Variants in RUNX1 observed in about 807,000 individuals in gnomAD.
The protein encoded by RUNX1 is RUNX family transcription factor 1, also known as runt-related transcription factor 1.
A neutral mutation model predicts 42.8 loss-of-function variants in RUNX1; 19 were observed. The observed-to-expected ratio is 0.44, with a 90% CI of 0.31 to 0.65. The LOEUF (loss-of-function observed/expected upper bound fraction) is 0.65. Ranked by LOEUF, RUNX1 falls within the 30% of genes least tolerant of loss-of-function variation. The pLI, the probability that RUNX1 is intolerant of heterozygous loss-of-function variation, is 0.07. For missense variants in RUNX1, 528 were observed against 672.0 expected (o/e 0.79, Z 2.37); for synonymous variants, 271 against 289.4 (o/e 0.94, Z 0.64).
intron 2 of RUNX1, among the ~76,000 whole-genome samples, chr21:34,931,064 T>C (rs1450562058): frequency 6.6e-6 from 1 of 152,068 alleles, no homozygotes; most frequent in Admixed American, 6.6e-5. Context: ...ATGGGTTTTG[T>C]TGTCTAGTAG....
At position 34,792,377 on chromosome 21, in the gene RUNX1, G is replaced by A. The variant is rs1422877598; in HGVS notation, c.1201C>T (p.Pro401Ser). 1.9e-6 allele frequency: 3 copies of A among 1,565,182 alleles called. No individual in the cohort carries two copies. The highest frequency in any genetic ancestry group is 1.9e-5 in the Admixed American group (1 of 52,016). ...AQGGPFQASS[P>S]SYHLYYGASA... ...GCGCCGTAGTACAGGTGGTAGGAGG[G>A]CGAGCTGGCTTGGAACGGGCCTCCC... Residue 401 changes from proline (P) to serine (S), a missense_variant, in exon 9 of 9, where the codon CCC (proline) becomes TCC (serine). Around this residue, in one of 3 missense-constraint regions of RUNX1, gnomAD observed 331 missense variants for 382.5 expected, o/e 0.87. Coordinates refer to ENST00000675419, the MANE Select transcript of RUNX1 (RefSeq NM_001754.5). The surrounding 1 kb of genome is among the most constrained non-coding windows in gnomAD (Gnocchi z 6.9).
intron 2 of RUNX1, among the ~76,000 whole-genome samples, chr21:34,930,434 C>T (rs2058434751): frequency 6.6e-6 from 1 of 151,514 alleles, no homozygotes; most frequent in African/African-American, 2.4e-5. Context: ...TTGATTAGAA[C>T]TGGCTGAAGG....
At chr21:34,865,230 G>C (rs1288796482) in intron 5 of RUNX1, among the ~76,000 whole-genome samples, 1 of 151,890 alleles carries the variant, frequency 6.6e-6, no homozygotes, top group African/African-American at 2.4e-5. Flanking sequence ...GTAAGAAGGA[G>C]CTGGGGATGA....
Position 35,038,613 on chromosome 21 carries a change from CTGTG to C in RUNX1, c.58+10225_58+10228del, listed in dbSNP as rs34145318. On this transcript the variant is annotated intron_variant, in intron 2 of 8. Coordinates refer to ENST00000675419, the MANE Select transcript of RUNX1 (RefSeq NM_001754.5). ...TCTCTCTCTCTCTCTCTCTCTCTCT[CTGTG>C]TGTGTGTGTGTGTGTGTGTGTGTGT... 376 of 285,678 alleles carry C rather than the reference CTGTG, an allele frequency of 1.3e-3. 3 individuals carry two copies. The highest frequency in any genetic ancestry group is 5.8e-3 in the East Asian group (51 of 8,844). The allele number at this position is 285,678 out of a possible 1,614,324, so 17.7% of individuals were successfully genotyped here.
At chr21:34,798,989 C>T (rs1045144699) in intron 8 of RUNX1, among the ~76,000 whole-genome samples, 2 of 152,168 alleles carry the variant, frequency 1.3e-5, no homozygotes, top group African/African-American at 4.8e-5. Flanking sequence ...ATAATGAGTC[C>T]TAAAAGTTGA....
chr21:35,035,328 G>A (rs1020377148), intron 2 of RUNX1, among the ~76,000 whole-genome samples: 2 of 152,096 alleles, frequency 1.3e-5, no homozygotes, highest in Non-Finnish European at 2.9e-5. Flanking sequence ...GCTGGCATTT[G>A]AACACAGGCT....
Position 34,821,579 on chromosome 21 carries a change from T to C in RUNX1, c.805+12831A>G, listed in dbSNP as rs1047314395. Reference sequence around the variant, plus strand: ...AACGTGCATTCTGAGGGCTGTCATCTTTCTTCTGAGTCTCTTCTGAGGATG... The same window carrying C: ...AACGTGCATTCTGAGGGCTGTCATCCTTCTTCTGAGTCTCTTCTGAGGATG... On this transcript the variant is annotated intron_variant, in intron 7 of 8. Transcript: ENST00000675419. 18 of 1,545,470 alleles carry C rather than the reference T, an allele frequency of 1.2e-5. No individual in the cohort carries two copies. The African/African-American group carries it at 2.3e-4, about 20-fold the overall frequency.
At chr21:34,906,939 G>A (rs2058224932) in intron 2 of RUNX1, among the ~76,000 whole-genome samples, 2 of 152,362 alleles carry the variant, frequency 1.3e-5, no homozygotes, top group South Asian at 2.1e-4. Flanking sequence ...AATATAAAAT[G>A]CATTAAAGCT....
chr21:34,868,680 T>G (rs1353949514), intron 5 of RUNX1, among the ~76,000 whole-genome samples: 1 of 152,186 alleles, frequency 6.6e-6, no homozygotes, highest in Non-Finnish European at 1.5e-5. Flanking sequence ...CTCTGAGCCT[T>G]GGCTCCCGCC....
chr21:34,911,604 C>T (rs1225940230), intron 2 of RUNX1, among the ~76,000 whole-genome samples: 1 of 152,204 alleles, frequency 6.6e-6, no homozygotes, highest in African/African-American at 2.4e-5. Context: ...TCTGCCCTTG[C>T]CCCACTCCAG....
chr21:34,966,862 C>G (rs956583189), intron 2 of RUNX1, among the ~76,000 whole-genome samples: 2 of 152,054 alleles, frequency 1.3e-5, no homozygotes, highest in Admixed American at 6.6e-5. Context: ...AACGAGAGAA[C>G]TGCAGTGGCT....
chr21:35,002,576 C>T (rs923441345), intron 2 of RUNX1, among the ~76,000 whole-genome samples: 8 of 151,824 alleles, frequency 5.3e-5, no homozygotes, highest in South Asian at 2.1e-4. Context: ...TACAGGCACA[C>T]GCCACCATGC....
At chr21:34,821,244 C>T (rs2056903722) in intron 7 of RUNX1, 1 of 1,051,872 alleles carries the variant, frequency 9.5e-7, no homozygotes, top group Admixed American at 5.2e-5. Flanking sequence ...GGTGATACAA[C>T]AATGCCGCCA....
intron 2 of RUNX1, among the ~76,000 whole-genome samples, chr21:34,903,163 A>G (rs1338951473): frequency 6.6e-6 from 1 of 152,220 alleles, no homozygotes; most frequent in Non-Finnish European, 1.5e-5. Context: ...GTGATTGAGA[A>G]TAGACCCACA....
At chr21:34,954,221 T>A (rs559837290) in intron 2 of RUNX1, among the ~76,000 whole-genome samples, 3 of 152,270 alleles carry the variant, frequency 2.0e-5, no homozygotes, top group East Asian at 1.9e-4. Flanking sequence ...TATAATTGAG[T>A]AGAGATGACT....
At chr21:34,993,694 C>T (rs538886452) in intron 2 of RUNX1, among the ~76,000 whole-genome samples, 1,655 of 95,058 alleles carry the variant, frequency 0.017, 64 homozygotes, top group African/African-American at 0.093. Flanking sequence ...CACACACAGG[C>T]GCACACACAC....
intron 2 of RUNX1, among the ~76,000 whole-genome samples, chr21:35,003,514 GCTGT>G (rs1359066850): frequency 5.6e-5 from 8 of 141,824 alleles, no homozygotes; most frequent in Non-Finnish European, 1.2e-4. Flanking sequence ...AAGGAGAAAA[GCTGT>G]CTTTTTTTTT....
chr21:34,858,323 G>A (rs945779592), intron 6 of RUNX1, among the ~76,000 whole-genome samples: 2 of 152,182 alleles, frequency 1.3e-5, no homozygotes, highest in Admixed American at 1.3e-4. Flanking sequence ...ATCTAGAGGG[G>A]ACTGGAGCAG....
At chr21:35,031,052 A>AC (rs1479339496) in intron 2 of RUNX1, among the ~76,000 whole-genome samples, 1 of 152,230 alleles carries the variant, frequency 6.6e-6, no homozygotes, top group African/African-American at 2.4e-5. Flanking sequence ...AGCTTTTATC[A>AC]AAAAGTTAAG....
Sources: gnomAD v4.1 joint callset for allele counts (sites outside exome capture counted in the v4.1 genomes callset) on GRCh38, gnomAD v4.1.1 for gene constraint, gnomAD v4.1.1 regional missense constraint, Gnocchi (gnomAD v3.1) non-coding constraint, MANE v1.5 for transcripts, NCBI Gene and HGNC (gene_info 2026-07-23, HGNC 2026-07-21) for gene names.